The following ARID1A variants were observed in gnomAD, a reference collection of about 807,000 sequenced individuals.
ARID1A encodes AT-rich interactive domain-containing protein 1A.
ARID1A carries 20 observed loss-of-function variants against 212.6 expected under a neutral mutation model. The observed-to-expected ratio is 0.09, with a 90% CI of 0.07 to 0.14. The LOEUF is 0.14. Among genes scored for constraint, ARID1A ranks in the 10% least tolerant of loss-of-function variants. The pLI, the probability that ARID1A is intolerant of heterozygous loss-of-function variation, is 1.00. For missense variants in ARID1A, 2,587 were observed against 3,059.0 expected, an observed-to-expected ratio of 0.85 and a Z score of 3.64; for synonymous variants, 1,376 against 1,222.1, an observed-to-expected ratio of 1.13 and a Z score of -2.63.
chr1:26,766,374 C>G lies in ARID1A; in HGVS notation c.2878+8C>G, dbSNP rs2081039525. The G allele has an allele frequency of 6.2e-7, 1 of 1,614,058 alleles. No homozygotes were observed. The highest frequency in any genetic ancestry group is 1.3e-5 in the African/African-American group (1 of 75,030). On this transcript the variant is annotated splice_region_variant and intron_variant, in intron 9 of 19. Coordinates refer to ENST00000324856, the MANE Select transcript of ARID1A (RefSeq NM_006015.6). ...TGGCCAACAATTCTGCAGGTAAGTGCTAGTCATTCTCACTAGGGATTTCTT... is the reference window on the plus strand; with the variant it reads ...TGGCCAACAATTCTGCAGGTAAGTGGTAGTCATTCTCACTAGGGATTTCTT...
chr1:26,696,949 A>C lies in ARID1A; in HGVS notation c.546A>C (p.Ala182=), dbSNP rs773871271. The change falls in exon 1 of 20, where the codon GCA becomes GCC. Residue 182 remains alanine, a synonymous_variant. Coordinates refer to ENST00000324856, the MANE Select transcript of ARID1A (RefSeq NM_006015.6). ...GCGGACAACAAAGCCCTGGCCTGGCAGCGCTGCAGAGCGGCGGCGGCGGGG... is the reference window on the plus strand; with the variant it reads ...GCGGACAACAAAGCCCTGGCCTGGCCGCGCTGCAGAGCGGCGGCGGCGGGG... ...QHGGQQSPGL[A]ALQSGGGGGL... is the part of the protein sequence containing the mutation. 1.4e-6 allele frequency: 2 copies of C among 1,456,196 alleles called. No individual in the cohort carries two copies. The highest frequency in any genetic ancestry group is 2.9e-5 in the South Asian group (2 of 68,584). The allele number at this position is 1,456,196 out of a possible 1,614,324, so 90.2% of individuals were successfully genotyped here.
rs2124112938 is a variant in ARID1A at position 26,773,631 on chromosome 1, G to A, written c.3918G>A (p.Gln1306=). The A allele has an allele frequency of 6.2e-7, 1 of 1,614,196 alleles. No individual in the cohort carries two copies. Among genetic ancestry groups the A allele is most frequent in the Non-Finnish European group, 8.5e-7 (1 of 1,180,038 alleles). ...PEGNMSTGAP[Q]PNLMPSNPDS... ...GAAACATGAGCACTGGGGCCCCACA[G>A]CCGAATCTCATGCCTTCCAACCCAG... is the stretch of plus-strand genomic sequence containing the variant. The change falls in exon 16 of 20, where the codon CAG becomes CAA. Residue 1306 remains glutamine (Q), a synonymous_variant. Transcript: ENST00000324856.
At chr1:26,736,197 A>G (rs1056236306) in intron 4 of ARID1A, among the ~76,000 whole-genome samples, 1 of 151,332 alleles carries the variant, frequency 6.6e-6, no homozygotes, top group African/African-American at 2.4e-5. Context: ...GGCAGTGGGT[A>G]CCTGTAGTCC....
At chr1:26,726,247 G>A (rs891660149) in intron 1 of ARID1A, among the ~76,000 whole-genome samples, 40 of 146,010 alleles carry the variant, frequency 2.7e-4, no homozygotes, top group Non-Finnish European at 5.4e-4. Flanking sequence ...ATCTCGGCTC[G>A]CTTCAGTCTT....
intron 4 of ARID1A, among the ~76,000 whole-genome samples, chr1:26,751,393 T>C (rs2080884024): frequency 6.6e-6 from 1 of 152,168 alleles, no homozygotes; most frequent in Admixed American, 6.6e-5. Flanking sequence ...TCACGCAGCA[T>C]GTCTGGTGAT....
Position 26,779,170 on chromosome 1 carries a change from C to G in ARID1A, c.5272C>G (p.Pro1758Ala), listed in dbSNP as rs372045959. 1 of 1,605,852 alleles carries G rather than the reference C, an allele frequency of 6.2e-7. No homozygotes were observed. The highest frequency in any genetic ancestry group is 2.2e-5 in the East Asian group (1 of 44,812). ...GRFSKVSSPA[P>A]MEGGEEEEEL... ...GTTCAGCAAGGTGTCTAGTCCAGCT[C>G]CCATGGAGGGTGGGGAAGAAGAAGA... Residue 1758 changes from proline to alanine, a missense_variant, in exon 20 of 20, where the codon CCC (proline) becomes GCC (alanine). Physicochemically the swap from Pro to Ala is conservative, Grantham distance 27. This residue lies in a region of ARID1A where 890 missense variants were observed against 1,098.2 expected (regional missense o/e 0.81). Coordinates refer to ENST00000324856, the MANE Select transcript of ARID1A (RefSeq NM_006015.6).
In ARID1A at chr1:26,697,015, C is replaced by G. The variant is rs771780446; in HGVS notation, c.612C>G (p.Asp204Glu). ...PYAGPQQNSH[D>E]HGFPNHQYNS... ...CGGGGCCCCAGCAGAACTCTCACGA[C>G]CACGGCTTCCCCAACCACCAGTACA... is the stretch of plus-strand genomic sequence containing the variant. The change falls in exon 1 of 20, where the codon GAC (aspartate) becomes GAG (glutamate). Residue 204 changes from aspartate to glutamate, a missense_variant. By Grantham distance (45) the Asp-to-Glu change is conservative (BLOSUM62 2). Coordinates refer to ENST00000324856, the MANE Select transcript of ARID1A (RefSeq NM_006015.6). The G allele has an allele frequency of 5.2e-6, 8 of 1,534,088 alleles. No homozygotes were observed. The highest frequency in any genetic ancestry group is 7.0e-6 in the Non-Finnish European group (8 of 1,144,298).
At position 26,781,725 on chromosome 1, in the gene ARID1A, G is replaced by A. The variant is rs1026425035; in HGVS notation, c.*969G>A. 9 of 233,618 alleles carry A rather than the reference G, an allele frequency of 3.9e-5. No individual in the cohort carries two copies. In the East Asian group the frequency reaches 4.2e-4, roughly 11 times the overall value. The allele number at this position is 233,618 out of a possible 1,614,324, so 14.5% of individuals were successfully genotyped here. ...AACAAGTTGGTGACCTGCACAAAGC[G>A]AGACACAGCTATTTAATCTCTTGCC... On this transcript the variant is annotated 3_prime_UTR_variant, in exon 20 of 20. Transcript: ENST00000324856.
chr1:26,733,209 C>T (rs894112737), intron 4 of ARID1A, among the ~76,000 whole-genome samples: 1 of 151,530 alleles, frequency 6.6e-6, no homozygotes, highest in Non-Finnish European at 1.5e-5. Flanking sequence ...TCACATTGAG[C>T]GTGGCTGGAG....
rs765348294 is a variant in ARID1A, at chr1:26,773,434, A to T, written c.3804A>T (p.Leu1268=). The change falls in exon 15 of 20, where the codon CTA becomes CTT. Residue 1268 remains leucine (L), a synonymous_variant. Transcript: ENST00000324856. ...DPYSRAAGPG[L]GNVAMGPRQH... Reference sequence around the variant, plus strand: ...ACAGTCGTGCTGCCGGCCCTGGGCTAGGAAATGTGGCGATGGGACCACGAC... The same window carrying T: ...ACAGTCGTGCTGCCGGCCCTGGGCTTGGAAATGTGGCGATGGGACCACGAC... 1.2e-6 allele frequency: 2 copies of T among 1,613,734 alleles called. No individual in the cohort carries two copies. Among genetic ancestry groups the T allele is most frequent in the Non-Finnish European group, 1.7e-6 (2 of 1,179,832 alleles).
chr1:26,765,545 C>CT (rs542223614), intron 8 of ARID1A: 1 of 151,292 alleles, frequency 6.6e-6, no homozygotes, highest in South Asian at 2.1e-4. Flanking sequence ...CTCTTAGTAT[C>CT]TTTCGTGGGA....
At chr1:26,729,545 A>T in intron 1 of ARID1A, 106 bp from the exon 2 acceptor site, 1 of 1,305,274 alleles carries the variant, frequency 7.7e-7, no homozygotes, top group Non-Finnish European at 1.1e-6. Flanking sequence ...AAGTAACTGT[A>T]TTTCTTTATA....
chr1:26,772,343 G>A, intron 12 of ARID1A, 157 bp from the exon 13 acceptor site: 1 of 1,064,476 alleles, frequency 9.4e-7, no homozygotes, highest in South Asian at 1.7e-5. Flanking sequence ...CCGTCTTTAT[G>A]ACCTGGCCTT....
chr1:26,761,145 A>C, intron 5 of ARID1A, 49 bp downstream of exon 5: 2 of 1,599,338 alleles, frequency 1.3e-6, no homozygotes, highest in South Asian at 2.2e-5. Flanking sequence ...GACTGCCCCC[A>C]GTAATATTAA....
chr1:26,710,624 C>T (rs1158597337), intron 1 of ARID1A, among the ~76,000 whole-genome samples: 1 of 151,920 alleles, frequency 6.6e-6, no homozygotes, highest in African/African-American at 2.4e-5. Flanking sequence ...TGTTAAGAAG[C>T]ACAGACCCTT....
chr1:26,720,346 G>A (rs1043972682), intron 1 of ARID1A, among the ~76,000 whole-genome samples: 4 of 151,814 alleles, frequency 2.6e-5, no homozygotes, highest in African/African-American at 9.7e-5. Flanking sequence ...GGTGGCACAG[G>A]TCTGTAATCC....
intron 4 of ARID1A, chr1:26,753,236 A>G (rs139026316): frequency 6.6e-6 from 1 of 152,250 alleles, no homozygotes; most frequent in East Asian, 1.9e-4. Flanking sequence ...TACCCCACAA[A>G]ATAAGGTATG....
At chr1:26,768,228 A>G (rs1375972866) in intron 11 of ARID1A, among the ~76,000 whole-genome samples, 2 of 152,152 alleles carry the variant, frequency 1.3e-5, no homozygotes, top group Non-Finnish European at 2.9e-5. Context: ...CCGTGTATCT[A>G]TGGTCCCACT....
intron 19 of ARID1A, chr1:26,775,959 A>G: frequency 1.6e-6 from 1 of 622,878 alleles, no homozygotes; most frequent in Non-Finnish European, 3.0e-6. Flanking sequence ...TGGTATTAGT[A>G]AGAATTCAGA....
Sources: allele counts gnomAD v4.1 joint callset (sites outside exome capture counted in the v4.1 genomes callset), GRCh38; gene constraint gnomAD v4.1.1; regional missense constraint gnomAD v4.1.1; transcripts MANE v1.5; gene names NCBI Gene and HGNC (gene_info 2026-07-23, HGNC 2026-07-21).